Variants in PRDM16 observed in about 807,000 individuals in gnomAD.
PRDM16 encodes the protein PR/SET domain 16.
A neutral mutation model predicts 110.6 loss-of-function variants in PRDM16; 23 were observed. The observed-to-expected ratio is 0.21, with a 90% CI of 0.15 to 0.29. The LOEUF is 0.29. PRDM16 is among the 10% of genes least tolerant of loss of function. The probability of loss-of-function intolerance (pLI) is 1.00; values close to 1 mark genes in which losing one functional copy is unlikely to be tolerated. For missense variants in PRDM16, 1,615 were observed against 1,794.3 expected (o/e 0.90, Z 1.81); for synonymous variants, 799 against 781.8 (o/e 1.02, Z -0.37).
chr1:3,432,386 C>G (rs932900977), intron 16 of PRDM16, among the ~76,000 whole-genome samples: 1 of 152,224 alleles, frequency 6.6e-6, no homozygotes, highest in Non-Finnish European at 1.5e-5. Context: ...CTCATGGACA[C>G]GGGCAGCTCA....
At chr1:3,363,031 A>G (rs1344944962) in intron 3 of PRDM16, among the ~76,000 whole-genome samples, 1 of 152,170 alleles carries the variant, frequency 6.6e-6, no homozygotes, top group African/African-American at 2.4e-5. Context: ...GGGAGCAGAG[A>G]GAAGGACCCT....
At chr1:3,347,552 CAG>C (rs1034593798) in intron 3 of PRDM16, among the ~76,000 whole-genome samples, 1 of 152,106 alleles carries the variant, frequency 6.6e-6, no homozygotes, top group Non-Finnish European at 1.5e-5. Context: ...AAGAGGCAGT[CAG>C]GGGGTGGGGG....
Position 3,069,213 on chromosome 1 carries a change from T to A in PRDM16, c.-47T>A. The stretch of plus-strand genomic sequence containing the variant: ...TGGGGAGATGAAGATAGTGTGTGGC[T>A]GCTTCTGGACTCAAGGAGGAGGAGA... On this transcript the variant is annotated 5_prime_UTR_variant, in exon 1 of 17. Coordinates refer to ENST00000270722, the MANE Select transcript of PRDM16 (RefSeq NM_022114.4). The surrounding 1 kb of genome is among the most constrained non-coding windows in gnomAD (Gnocchi z 6.1). The A allele has an allele frequency of 6.4e-7, 1 of 1,556,170 alleles. No homozygotes were observed. Among genetic ancestry groups the A allele is most frequent in the Non-Finnish European group, 8.8e-7 (1 of 1,142,396 alleles).
At position 3,322,958 on chromosome 1, in the gene PRDM16, A is replaced by G. The variant is rs561392587; in HGVS notation, c.439-62194A>G. Among the ~76,000 whole-genome samples, 113 of 151,910 alleles carry G rather than the reference A, an allele frequency of 7.4e-4. 1 individual carries two copies. The South Asian group carries it at 0.017, about 24-fold the overall frequency. Reference sequence around the variant, plus strand: ...GGCCTCTTCTAATCACGCTCTGGTCACTCTCTAGGCCCCAGTGCCCAGCAG... The same window carrying G: ...GGCCTCTTCTAATCACGCTCTGGTCGCTCTCTAGGCCCCAGTGCCCAGCAG... On this transcript the variant is annotated intron_variant, in intron 3 of 16. Coordinates refer to ENST00000270722, the MANE Select transcript of PRDM16 (RefSeq NM_022114.4).
rs537946447 is a variant in PRDM16 at position 3,384,616 on chromosome 1, G to A, written c.439-536G>A. Among the ~76,000 whole-genome samples, 7 of 152,380 alleles carry A rather than the reference G, an allele frequency of 4.6e-5. No homozygotes were observed. In the East Asian group the frequency reaches 1.3e-3, roughly 29 times the overall value. On this transcript the variant is annotated intron_variant, in intron 3 of 16. Coordinates refer to ENST00000270722, the MANE Select transcript of PRDM16 (RefSeq NM_022114.4). ...GAGAACAGCTAGGCGTCTTCATGCTGCTGGGTGTCAAACTGAAACTCTCCA... is the reference window on the plus strand; with the variant it reads ...GAGAACAGCTAGGCGTCTTCATGCTACTGGGTGTCAAACTGAAACTCTCCA...
In PRDM16 at chr1:3,404,006, T is replaced by C. The variant is rs538918605; in HGVS notation, c.885-733T>C. ...CAAGAGGGTCCGTGTTTTCTTTACA[T>C]AAACACATAAATCACAATTAACAAC... On this transcript the variant is annotated intron_variant, in intron 6 of 16. Transcript: ENST00000270722. Among the ~76,000 whole-genome samples, 12 of 152,292 alleles carry C rather than the reference T, an allele frequency of 7.9e-5. No homozygotes were observed. The South Asian group carries it at 2.5e-3, about 32-fold the overall frequency.
At chr1:3,328,346 A>G (rs981501819) in intron 3 of PRDM16, among the ~76,000 whole-genome samples, 2 of 152,220 alleles carry the variant, frequency 1.3e-5, no homozygotes, top group Non-Finnish European at 2.9e-5. Context: ...GCCTCTGCCC[A>G]GTAGACAACA....
At chr1:3,107,739 C>T (rs563265713) in intron 1 of PRDM16, among the ~76,000 whole-genome samples, 5 of 152,356 alleles carry the variant, frequency 3.3e-5, no homozygotes, top group Non-Finnish European at 5.9e-5. Flanking sequence ...CACACACTAT[C>T]CCTGGGAACT....
chr1:3,177,922 C>G (rs138139040), intron 1 of PRDM16, among the ~76,000 whole-genome samples: 1 of 152,238 alleles, frequency 6.6e-6, no homozygotes, highest in African/African-American at 2.4e-5. Flanking sequence ...AGAGCTGCCT[C>G]GTGCTGGGTC....
chr1:3,340,830 G>A (rs188943091), intron 3 of PRDM16, among the ~76,000 whole-genome samples: 249 of 152,350 alleles, frequency 1.6e-3, no homozygotes, highest in African/African-American at 5.6e-3. Context: ...TCATGGGGTG[G>A]CTGAAGGCAG....
In PRDM16 at chr1:3,198,256, C is replaced by T. The variant is rs74624180; in HGVS notation, c.387+11782C>T. 1.4e-3 allele frequency among the ~76,000 whole-genome samples: 206 copies of T among 152,310 alleles called. 3 individuals carry two copies. In the East Asian group the frequency reaches 0.033, roughly 24 times the overall value. On this transcript the variant is annotated intron_variant, in intron 2 of 16. Transcript: ENST00000270722. ...AAGGGGCCAGGTCGGCGCAGGGCAG[C>T]GTCTCTCTGGGGTGAGGAGTTTATC...
chr1:3,126,162 G>GC (rs1339371773), intron 1 of PRDM16, among the ~76,000 whole-genome samples: 1 of 152,210 alleles, frequency 6.6e-6, no homozygotes, highest in Non-Finnish European at 1.5e-5. Flanking sequence ...GCCATTGTGG[G>GC]CCCGGGCGCC....
At chr1:3,144,940 C>G (rs968286969) in intron 1 of PRDM16, among the ~76,000 whole-genome samples, 9 of 152,282 alleles carry the variant, frequency 5.9e-5, no homozygotes, top group South Asian at 2.1e-4. Flanking sequence ...CCCAGTGAAC[C>G]CCCAGGGCCT....
intron 2 of PRDM16, among the ~76,000 whole-genome samples, chr1:3,204,889 C>T (rs1251601707): frequency 6.6e-6 from 1 of 152,138 alleles, no homozygotes; most frequent in African/African-American, 2.4e-5. Context: ...GAGAGTGGGA[C>T]CCCCGTTGGG....
At position 3,423,031 on chromosome 1, in the gene PRDM16, TGTTGAAGAG is replaced by T. The variant is rs1638483370; in HGVS notation, c.2940-2548_2940-2540del. On this transcript the variant is annotated intron_variant, in intron 12 of 16. Transcript: ENST00000270722. Reference sequence around the variant, plus strand: ...CACCAATGCTTCTTTTCCTGTCTACTGTTGAAGAGGCCAGAGTGAGCCTGGCCTCCGGCA... The same window carrying T: ...CACCAATGCTTCTTTTCCTGTCTACTGCCAGAGTGAGCCTGGCCTCCGGCA... Among the ~76,000 whole-genome samples, 8 of 152,348 alleles carry T rather than the reference TGTTGAAGAG, an allele frequency of 5.3e-5. No individual in the cohort carries two copies. In the South Asian group the frequency reaches 1.7e-3, roughly 32 times the overall value.
chr1:3,361,520 T>C (rs768592783), intron 3 of PRDM16, among the ~76,000 whole-genome samples: 18 of 152,248 alleles, frequency 1.2e-4, no homozygotes, highest in Non-Finnish European at 1.9e-4. Context: ...GTGGCCCTGC[T>C]GTTCCTGCAT....
At chr1:3,334,146 A>G (rs184923088) in intron 3 of PRDM16, among the ~76,000 whole-genome samples, 120 of 152,320 alleles carry the variant, frequency 7.9e-4, no homozygotes, top group African/African-American at 2.7e-3. Context: ...TCAGCTGCCA[A>G]ACGGAGACAG....
intron 3 of PRDM16, among the ~76,000 whole-genome samples, chr1:3,340,169 G>C (rs1420389075): frequency 1.3e-5 from 2 of 152,070 alleles, no homozygotes. Flanking sequence ...TCCAGGTCTG[G>C]GTCTGCCTCG....
chr1:3,160,407 C>T (rs1180079198), intron 1 of PRDM16, among the ~76,000 whole-genome samples: 2 of 152,196 alleles, frequency 1.3e-5, no homozygotes, highest in Non-Finnish European at 2.9e-5. Flanking sequence ...TGAGCTGCCA[C>T]ATCATCCTCA....
Sources: allele counts gnomAD v4.1 joint callset (sites outside exome capture counted in the v4.1 genomes callset), GRCh38; gene constraint gnomAD v4.1.1; non-coding constraint Gnocchi (gnomAD v3.1); transcripts MANE v1.5; gene names NCBI Gene and HGNC (gene_info 2026-07-23, HGNC 2026-07-21).